THSD7B: variants seen among roughly 807,000 people sequenced by gnomAD.
THSD7B encodes the protein thrombospondin type-1 domain-containing protein 7B.
THSD7B carries 138 observed loss-of-function variants against 213.6 expected under a neutral mutation model. That is an observed-to-expected ratio of 0.65 (90% CI 0.56 to 0.74). THSD7B has a LOEUF of 0.74. Among genes scored for constraint, THSD7B ranks in the 30% least tolerant of loss-of-function variants. The pLI, the probability that THSD7B is intolerant of heterozygous loss-of-function variation, is 0.00. For synonymous variants in THSD7B, 742 were observed against 687.0 expected, an observed-to-expected ratio of 1.08 and a Z score of -1.25; for missense variants, 1,931 against 1,991.5, an observed-to-expected ratio of 0.97 and a Z score of 0.58.
intron 2 of THSD7B, among the ~76,000 whole-genome samples, chr2:136,999,945 C>T (rs1179591023): frequency 1.3e-5 from 2 of 152,060 alleles, no homozygotes; most frequent in African/African-American, 2.4e-5. Flanking sequence ...TGAAATATTC[C>T]AGGCATTTTA....
At chr2:137,308,797 A>G (rs556708353) in intron 12 of THSD7B, among the ~76,000 whole-genome samples, 1 of 152,286 alleles carries the variant, frequency 6.6e-6, no homozygotes, top group Non-Finnish European at 1.5e-5. Context: ...ACATTTATCT[A>G]TATGTATATG....
At chr2:137,238,740 A>C (rs1681832431) in intron 9 of THSD7B, among the ~76,000 whole-genome samples, 1 of 147,684 alleles carries the variant, frequency 6.8e-6, no homozygotes, top group African/African-American at 2.5e-5. Flanking sequence ...TTTTTAGTAG[A>C]GACGGGGTTT....
intron 17 of THSD7B, among the ~76,000 whole-genome samples, chr2:137,582,190 G>A (rs1046300521): frequency 6.6e-6 from 1 of 152,036 alleles, no homozygotes; most frequent in Non-Finnish European, 1.5e-5. Flanking sequence ...GGACGTTCTG[G>A]TTCAAGATGT....
At chr2:136,883,531 G>A (rs543032323) in intron 2 of THSD7B, among the ~76,000 whole-genome samples, 2 of 152,118 alleles carry the variant, frequency 1.3e-5, no homozygotes, top group East Asian at 3.9e-4. Flanking sequence ...TGGGAATGGG[G>A]TTATTTTGTT....
At chr2:136,895,043 G>A (rs1403149805) in intron 2 of THSD7B, among the ~76,000 whole-genome samples, 1 of 152,202 alleles carries the variant, frequency 6.6e-6, no homozygotes, top group Non-Finnish European at 1.5e-5. Context: ...TTTGAGCTTA[G>A]ATGGGTCCAT....
chr2:137,110,758 C>T (rs1347858697), intron 4 of THSD7B, among the ~76,000 whole-genome samples: 1 of 152,226 alleles, frequency 6.6e-6, no homozygotes, highest in Non-Finnish European at 1.5e-5. Context: ...TACAGCCATG[C>T]ACTCCATAAC....
chr2:137,612,779 T>C (rs568325983), intron 17 of THSD7B, among the ~76,000 whole-genome samples: 1 of 152,268 alleles, frequency 6.6e-6, no homozygotes, highest in Non-Finnish European at 1.5e-5. Context: ...AATCTCATAA[T>C]GAAAATAATC....
chr2:137,056,531 G>C lies in THSD7B; in HGVS notation c.251G>C (p.Ser84Thr). ...WTSHLSNCGE[S>T]NRPPKERSCF... ...AGTCACCTGTCTAACTGTGGTGAGAGCAACAGGCCTCCAAAGGAAAGAAGT... is the reference window on the plus strand; with the variant it reads ...AGTCACCTGTCTAACTGTGGTGAGACCAACAGGCCTCCAAAGGAAAGAAGT... The change falls in exon 3 of 28, where the codon AGC becomes ACC. Residue 84 changes from serine (S) to threonine (T), a missense_variant. By Grantham distance (58) the Ser-to-Thr change is moderately conservative (BLOSUM62 1). Coordinates refer to ENST00000409968, the MANE Select transcript of THSD7B (RefSeq NM_001316349.2). 1 of 1,613,970 alleles carries C rather than the reference G, an allele frequency of 6.2e-7. No homozygotes were observed. The highest frequency in any genetic ancestry group is 8.5e-7 in the Non-Finnish European group (1 of 1,179,878).
chr2:137,022,546 GT>G lies in THSD7B; in HGVS notation c.140-33864del, dbSNP rs150514343. On this transcript the variant is annotated intron_variant, in intron 2 of 27. Coordinates refer to ENST00000409968, the MANE Select transcript of THSD7B (RefSeq NM_001316349.2). ...GAAGATGTACCACAAAAAAATCTTC[GT>G]TTTTTTTTTATATGAATAACACATT... 1.0e-3 allele frequency among the ~76,000 whole-genome samples: 149 copies of G among 147,838 alleles called. 1 individual carries two copies. Among genetic ancestry groups the G allele is most frequent in the African/African-American group, 3.1e-3 (127 of 40,392 alleles).
intron 12 of THSD7B, among the ~76,000 whole-genome samples, chr2:137,324,150 T>G (rs1330435294): frequency 6.6e-6 from 1 of 152,188 alleles, no homozygotes; most frequent in Non-Finnish European, 1.5e-5. Flanking sequence ...AGTGTAATTT[T>G]CATTTCACTT....
chr2:136,790,328 CT>C (rs1649597457), intron 1 of THSD7B, among the ~76,000 whole-genome samples: 2 of 151,964 alleles, frequency 1.3e-5, no homozygotes, highest in Non-Finnish European at 2.9e-5. Context: ...TATTTAATAT[CT>C]TAAAATATTC....
At chr2:136,948,443 T>C (rs1428685240) in intron 2 of THSD7B, among the ~76,000 whole-genome samples, 2 of 151,238 alleles carry the variant, frequency 1.3e-5, no homozygotes, top group Non-Finnish European at 1.5e-5. Context: ...TTTTCATGCC[T>C]CATATATATC....
rs1382914597 is a variant in THSD7B, at chr2:137,653,517, G to A, written c.3946-1984G>A. Among the ~76,000 whole-genome samples the A allele has an allele frequency of 2.6e-5, 4 of 151,088 alleles. No homozygotes were observed. The East Asian group carries it at 5.8e-4, about 22-fold the overall frequency. On this transcript the variant is annotated intron_variant, in intron 21 of 27. Coordinates refer to ENST00000409968, the MANE Select transcript of THSD7B (RefSeq NM_001316349.2). ...TTGTTTTTTATTTGAATATGTTTTCGACGCTTTGCTCTTGCTCAACTCTCT... is the reference window on the plus strand; with the variant it reads ...TTGTTTTTTATTTGAATATGTTTTCAACGCTTTGCTCTTGCTCAACTCTCT...
At chr2:136,871,068 CAA>C (rs1345836250) in intron 1 of THSD7B, among the ~76,000 whole-genome samples, 2 of 152,000 alleles carry the variant, frequency 1.3e-5, no homozygotes, top group Admixed American at 6.6e-5. Context: ...TTCGATGCGA[CAA>C]AGAAGGATTT....
chr2:137,209,715 T>C (rs540465432), intron 7 of THSD7B, among the ~76,000 whole-genome samples: 5 of 152,202 alleles, frequency 3.3e-5, no homozygotes, highest in Admixed American at 1.3e-4. Context: ...TTAGACAAGT[T>C]ACCACGTATT....
intron 12 of THSD7B, among the ~76,000 whole-genome samples, chr2:137,293,318 G>A (rs1272968005): frequency 6.6e-6 from 1 of 151,648 alleles, no homozygotes; most frequent in Non-Finnish European, 1.5e-5. Context: ...TTTGTATTTT[G>A]GGTAGAAACG....
intron 3 of THSD7B, among the ~76,000 whole-genome samples, chr2:137,078,874 G>A (rs1467722068): frequency 6.6e-6 from 1 of 151,942 alleles, no homozygotes; most frequent in Non-Finnish European, 1.5e-5. Context: ...TTTGTTAAAT[G>A]TAAGCTATTT....
chr2:136,943,893 CTGA>C (rs1684878431), intron 2 of THSD7B, among the ~76,000 whole-genome samples: 1 of 152,146 alleles, frequency 6.6e-6, no homozygotes, highest in African/African-American at 2.4e-5. Context: ...CAGTTCTGCT[CTGA>C]TGTTAGTTAT....
At position 137,158,406 on chromosome 2, in the gene THSD7B, C is replaced by T. The variant is rs114408721; in HGVS notation, c.1370-1807C>T. ...GCAATCCCTTTACATTCCCCTAATACCTGTTCTCTCTTCCTTTCTCTGTCC... is the reference window on the plus strand; with the variant it reads ...GCAATCCCTTTACATTCCCCTAATATCTGTTCTCTCTTCCTTTCTCTGTCC... On this transcript the variant is annotated intron_variant, in intron 5 of 27. Coordinates refer to ENST00000409968, the MANE Select transcript of THSD7B (RefSeq NM_001316349.2). Among the ~76,000 whole-genome samples, 635 of 152,278 alleles carry T rather than the reference C, an allele frequency of 4.2e-3. 3 individuals are homozygous for T. The highest frequency in any genetic ancestry group is 0.014 in the African/African-American group (599 of 41,568).
Sources: gnomAD v4.1 joint callset for allele counts (sites outside exome capture counted in the v4.1 genomes callset) on GRCh38, gnomAD v4.1.1 for gene constraint, MANE v1.5 for transcripts, NCBI Gene and HGNC (gene_info 2026-07-23, HGNC 2026-07-21) for gene names.